Variants in TRIM27 observed in about 807,000 individuals in gnomAD.
TRIM27 encodes tripartite motif containing 27.
A neutral mutation model predicts 57.6 loss-of-function variants in TRIM27; 12 were observed. The ratio of observed to expected loss-of-function variants is 0.21; its 90% CI spans 0.13 to 0.34. The LOEUF (loss-of-function observed/expected upper bound fraction) is 0.34. Among genes scored for constraint, TRIM27 ranks in the 10% least tolerant of loss-of-function variants. TRIM27 has a pLI of 1.00. For synonymous variants in TRIM27, 266 were observed against 259.0 expected (o/e 1.03, Z -0.26); for missense variants, 403 against 656.8 (o/e 0.61, Z 4.22).
At chr6:28,907,500 G>A (rs780311431) in intron 6 of TRIM27, 2 of 696,050 alleles carry the variant, frequency 2.9e-6, no homozygotes, top group South Asian at 3.0e-5. Flanking sequence ...GCCTGAGACT[G>A]GTAGAATATG....
At position 28,904,456 on chromosome 6, in the gene TRIM27, C is replaced by T; in HGVS notation, c.1156G>A (p.Gly386Ser). 2 of 1,613,030 alleles carry T rather than the reference C, an allele frequency of 1.2e-6. No individual in the cohort carries two copies. The highest frequency in any genetic ancestry group is 1.7e-6 in the Non-Finnish European group (2 of 1,180,022). ...CTGCACACTGAGTCTTCACAGACAC[C>T]TATGGTCCACTTGGCTTTATCTCCC... is the stretch of plus-strand genomic sequence containing the variant. ...EVGDKAKWTI[G>S]VCEDSVCRKG... The change falls in exon 8 of 8, where the codon GGT becomes AGT. Residue 386 changes from glycine to serine, a missense_variant. Coordinates refer to ENST00000377199, the MANE Select transcript of TRIM27 (RefSeq NM_006510.5). This position sits in a 1 kb window ranked among gnomAD's most constrained non-coding sequence, Gnocchi z 6.1.
intron 3 of TRIM27, among the ~76,000 whole-genome samples, chr6:28,916,865 G>C (rs1417728777): frequency 1.3e-5 from 2 of 152,186 alleles, no homozygotes; most frequent in Admixed American, 6.5e-5. Context: ...TGGAAGGCTG[G>C]ATGTGGTGGC....
At chr6:28,915,772 T>C (rs1463121917) in intron 3 of TRIM27, 1 of 152,170 alleles carries the variant, frequency 6.6e-6, no homozygotes, top group African/African-American at 2.4e-5. Context: ...GCAGCACTAT[T>C]GACAATAGCC....
chr6:28,906,740 A>T (rs1000001217), intron 7 of TRIM27: 1 of 153,610 alleles, frequency 6.5e-6, no homozygotes, highest in Non-Finnish European at 1.4e-5. Context: ...GCAATGTTAA[A>T]TTTACCCAGG....
intron 5 of TRIM27, 66 bp downstream of exon 5, chr6:28,908,907 C>T (rs1772972784): frequency 3.7e-6 from 6 of 1,604,442 alleles, no homozygotes; most frequent in South Asian, 1.1e-5. Flanking sequence ...TTATCCTCTT[C>T]ATCAGGCAAT....
chr6:28,914,546 A>T (rs1773458803), intron 3 of TRIM27, among the ~76,000 whole-genome samples: 1 of 118,902 alleles, frequency 8.4e-6, no homozygotes. Flanking sequence ...ATCCAGAAAA[A>T]GAGCTTGTTG....
At chr6:28,912,168 G>A (rs1455136732) in intron 3 of TRIM27, among the ~76,000 whole-genome samples, 1 of 148,606 alleles carries the variant, frequency 6.7e-6, no homozygotes, top group Non-Finnish European at 1.5e-5. Context: ...GGAGTGCAAT[G>A]GCGCGATCTT....
intron 3 of TRIM27, among the ~76,000 whole-genome samples, chr6:28,918,091 G>T (rs1487713343): frequency 6.6e-6 from 1 of 152,122 alleles, no homozygotes; most frequent in Non-Finnish European, 1.5e-5. Context: ...CTCCCAAAGT[G>T]CTGGGATTAC....
Position 28,910,749 on chromosome 6 carries a change from G to T in TRIM27, c.770+947C>A, listed in dbSNP as rs143812774. Among the ~76,000 whole-genome samples the T allele has an allele frequency of 1.3e-4, 20 of 152,264 alleles. 1 individual carries two copies. In the East Asian group the frequency reaches 3.7e-3, roughly 28 times the overall value. ...GCTAGGGTCTGAGGCAGCTAACTCTGTATGTTAGGTCACAGCTAGACTGGC... is the reference window on the plus strand; with the variant it reads ...GCTAGGGTCTGAGGCAGCTAACTCTTTATGTTAGGTCACAGCTAGACTGGC... On this transcript the variant is annotated intron_variant, in intron 4 of 7. Transcript: ENST00000377199.
intron 4 of TRIM27, among the ~76,000 whole-genome samples, chr6:28,909,444 G>A (rs1413314968): frequency 2.6e-5 from 4 of 152,148 alleles, no homozygotes; most frequent in Non-Finnish European, 5.9e-5. Context: ...GACCTTCCAG[G>A]AACTAGGACA....
At chr6:28,921,536 T>C (rs938615386) in intron 2 of TRIM27, among the ~76,000 whole-genome samples, 4 of 152,136 alleles carry the variant, frequency 2.6e-5, no homozygotes, top group African/African-American at 7.2e-5. Context: ...ACAGTGGGGA[T>C]TACACAAATC....
rs1311951349 is a variant in TRIM27, at chr6:28,904,704, G to C, written c.947-39C>G. ...AGGAAGACAGTCAGCCGTGGGCCAGGAGAGCCTATTTTAGAACACCCAGCG... is the reference window on the plus strand; with the variant it reads ...AGGAAGACAGTCAGCCGTGGGCCAGCAGAGCCTATTTTAGAACACCCAGCG... On this transcript the variant is annotated intron_variant, in intron 7 of 7. Coordinates refer to ENST00000377199, the MANE Select transcript of TRIM27 (RefSeq NM_006510.5). This position sits in a 1 kb window ranked among gnomAD's most constrained non-coding sequence, Gnocchi z 6.1. 6.5e-7 allele frequency: 1 copy of C among 1,533,178 alleles called. No individual in the cohort carries two copies. Among genetic ancestry groups the C allele is most frequent in the South Asian group, 1.2e-5 (1 of 84,978 alleles). 95.0% of individuals were successfully genotyped at this position (1,533,178 alleles called of 1,614,324 possible).
chr6:28,916,426 C>G (rs1349380505), intron 3 of TRIM27, among the ~76,000 whole-genome samples: 1 of 151,876 alleles, frequency 6.6e-6, no homozygotes, highest in African/African-American at 2.4e-5. Flanking sequence ...GTGGCGCATG[C>G]CTGTAATACC....
At chr6:28,908,017 T>C (rs1772897146) in intron 6 of TRIM27, 2 of 172,312 alleles carry the variant, frequency 1.2e-5, no homozygotes, top group East Asian at 2.2e-4. Context: ...AGGGTTTACC[T>C]ACATATAAGG....
Position 28,904,878 on chromosome 6 carries a change from G to T in TRIM27, c.947-213C>A. ...TCTGAAAATACAGAATTTTAGCCCC[G>T]TATCTTTTCTTTCACATCTGAAGCC... On this transcript the variant is annotated intron_variant, in intron 7 of 7. Coordinates refer to ENST00000377199, the MANE Select transcript of TRIM27 (RefSeq NM_006510.5). This position sits in a 1 kb window ranked among gnomAD's most constrained non-coding sequence, Gnocchi z 6.1. The T allele has an allele frequency of 3.6e-6, 2 of 555,564 alleles. No individual in the cohort carries two copies. Among genetic ancestry groups the T allele is most frequent in the Non-Finnish European group, 6.4e-6 (2 of 313,986 alleles). The allele number at this position is 555,564 out of a possible 1,614,324, so 34.4% of individuals were successfully genotyped here.
intron 4 of TRIM27, 120 bp from the exon 5 acceptor site, chr6:28,909,208 A>T: frequency 3.0e-6 from 2 of 673,422 alleles, no homozygotes; most frequent in Admixed American, 2.7e-5. Flanking sequence ...CCCAGGTTCA[A>T]GCGATTCTCC....
chr6:28,918,726 A>T (rs2150486956), intron 3 of TRIM27, among the ~76,000 whole-genome samples: 1 of 151,938 alleles, frequency 6.6e-6, no homozygotes, highest in Admixed American at 6.6e-5. Flanking sequence ...AAATACAAAA[A>T]TTAGCCAGCC....
intron 6 of TRIM27, chr6:28,907,934 T>C (rs1772890727): frequency 5.0e-6 from 1 of 198,604 alleles, no homozygotes; most frequent in South Asian, 1.4e-4. Flanking sequence ...GCAATGCATA[T>C]ATGAACCCAG....
intron 2 of TRIM27, 57 bp downstream of exon 2, chr6:28,921,835 G>C (rs1416256388): frequency 4.3e-6 from 6 of 1,380,550 alleles, no homozygotes; most frequent in Non-Finnish European, 6.2e-6. Context: ...AGTAACATCA[G>C]CTCTACAGAA....
Sources: allele counts gnomAD v4.1 joint callset (sites outside exome capture counted in the v4.1 genomes callset), GRCh38; gene constraint gnomAD v4.1.1; non-coding constraint Gnocchi (gnomAD v3.1); transcripts MANE v1.5; gene names NCBI Gene and HGNC (gene_info 2026-07-23, HGNC 2026-07-21).